Variants in OPHN1 observed in about 807,000 individuals in gnomAD.
OPHN1 encodes oligophrenin-1.
In OPHN1, 11 loss-of-function variants were observed where a neutral mutation model predicts 60.7. The observed-to-expected ratio is 0.18, with a 90% CI of 0.11 to 0.30. OPHN1 has a LOEUF of 0.30. Among genes scored for constraint, OPHN1 ranks in the 10% least tolerant of loss-of-function variants. OPHN1 has a pLI of 1.00. For synonymous variants in OPHN1, 226 were observed against 222.6 expected, an observed-to-expected ratio of 1.02 and a Z score of -0.14; for missense variants, 449 against 611.0, an observed-to-expected ratio of 0.73 and a Z score of 2.80.
intron 2 of OPHN1, among the ~76,000 whole-genome samples, chrX:68,317,531 G>GAAAA (rs1260947814): frequency 7.0e-5 from 3 of 42,828 alleles, no homozygotes; most frequent in African/African-American, 6.2e-4. Flanking sequence ...AAGAAAGAAA[G>GAAAA]AAAGAAAAAA....
chrX:68,119,264 A>G lies in OPHN1; in HGVS notation c.1345T>C (p.Leu449=), dbSNP rs1347174519. 8.3e-7 allele frequency: 1 copy of G among 1,199,903 alleles called. No individual in the cohort carries two copies. The highest frequency in any genetic ancestry group is 3.0e-5 in the East Asian group (1 of 33,699). The part of the protein sequence containing the change: ...DWDIKTITSS[L]KFYLRNLSEP... ...CAGGCATACCTGAGGTAGAATTTCA[A>G]GGAGCTGGTGATTGTCTTAATGTCC... is the stretch of plus-strand genomic sequence containing the variant. The change falls in exon 16 of 25, where the codon TTG becomes CTG. Residue 449 remains leucine, a synonymous_variant. Transcript: ENST00000355520.
intron 15 of OPHN1, among the ~76,000 whole-genome samples, chrX:68,165,815 T>C (rs2077355571): frequency 8.9e-6 from 1 of 112,157 alleles, no homozygotes; most frequent in South Asian, 3.7e-4. Context: ...AAGTGAAGTA[T>C]GCCTATATAG....
At chrX:68,125,954 T>TATACAC (rs1555941244) in intron 15 of OPHN1, among the ~76,000 whole-genome samples, 1 of 55,824 alleles carries the variant, frequency 1.8e-5, no homozygotes, top group Non-Finnish European at 3.5e-5. Context: ...TATATATATA[T>TATACAC]ATACATACAC....
chrX:68,414,132 C>T (rs1408714233), intron 2 of OPHN1, among the ~76,000 whole-genome samples: 4 of 111,824 alleles, frequency 3.6e-5, no homozygotes, highest in African/African-American at 9.8e-5. Flanking sequence ...ATGTTAGGCA[C>T]GTTGACCAGA....
intron 15 of OPHN1, among the ~76,000 whole-genome samples, chrX:68,162,186 A>G (rs1156773596): frequency 9.0e-6 from 1 of 110,753 alleles, no homozygotes; most frequent in African/African-American, 3.3e-5. Context: ...GTTAAATACT[A>G]AATTCCAGAT....
intron 19 of OPHN1, among the ~76,000 whole-genome samples, chrX:68,085,361 C>A (rs1035757831): frequency 8.9e-6 from 1 of 112,123 alleles, no homozygotes; most frequent in Admixed American, 9.4e-5. Context: ...TTAACAGTAG[C>A]CTTGTCTGAC....
chrX:68,305,170 A>G (rs1160998335), intron 2 of OPHN1, among the ~76,000 whole-genome samples: 3 of 111,369 alleles, frequency 2.7e-5, no homozygotes, highest in Non-Finnish European at 5.7e-5. Flanking sequence ...CTTGAGCCCA[A>G]GAGTTCGAGA....
chrX:68,317,363 GAAAGA>G (rs1569278072), intron 2 of OPHN1, among the ~76,000 whole-genome samples: 121 of 68,731 alleles, frequency 1.8e-3, no homozygotes, highest in African/African-American at 7.2e-3. Flanking sequence ...AAGAAAGAAA[GAAAGA>G]AAGAAAGAAA....
intron 15 of OPHN1, among the ~76,000 whole-genome samples, chrX:68,140,741 T>TA (rs750067978): frequency 1.9e-5 from 2 of 107,895 alleles, no homozygotes; most frequent in East Asian, 5.8e-4. Context: ...CCAGTGCCCA[T>TA]AAAAACTAGA....
At chrX:68,216,241 A>C (rs2077607952) in intron 6 of OPHN1, among the ~76,000 whole-genome samples, 1 of 111,520 alleles carries the variant, frequency 9.0e-6, no homozygotes, top group African/African-American at 3.3e-5. Context: ...AAGAAGTATA[A>C]TTTACATGGT....
At chrX:68,221,685 C>A (rs1347703039) in intron 6 of OPHN1, among the ~76,000 whole-genome samples, 1 of 91,045 alleles carries the variant, frequency 1.1e-5, no homozygotes, top group African/African-American at 3.8e-5. Context: ...GGGAACGATT[C>A]CCTATTTAAT....
chrX:68,291,673 T>G (rs1413415794), intron 3 of OPHN1, among the ~76,000 whole-genome samples: 3 of 110,288 alleles, frequency 2.7e-5, no homozygotes, highest in African/African-American at 9.9e-5. Context: ...TCCCACATCC[T>G]TCTGTGTTCT....
intron 3 of OPHN1, among the ~76,000 whole-genome samples, chrX:68,284,496 C>T (rs2078032089): frequency 9.0e-6 from 1 of 110,597 alleles, no homozygotes; most frequent in African/African-American, 3.3e-5. Context: ...CCAAATAAAC[C>T]TCTCTTCTTC....
chrX:68,195,682 T>A (rs1345590383), intron 12 of OPHN1, among the ~76,000 whole-genome samples: 1 of 112,211 alleles, frequency 8.9e-6, no homozygotes, highest in Non-Finnish European at 1.9e-5. Context: ...GCCCTCTATA[T>A]GCCATCTGTT....
intron 2 of OPHN1, among the ~76,000 whole-genome samples, chrX:68,386,816 C>T (rs755849374): frequency 8.9e-6 from 1 of 111,732 alleles, no homozygotes; most frequent in Non-Finnish European, 1.9e-5. Flanking sequence ...GCCAATCTAT[C>T]TGCAACTGTT....
At chrX:68,112,222 C>T (rs1043955587) in intron 17 of OPHN1, among the ~76,000 whole-genome samples, 47 of 107,521 alleles carry the variant, frequency 4.4e-4, no homozygotes, top group African/African-American at 1.5e-3. Flanking sequence ...AAGACAAAGA[C>T]ATAAAGAAAG....
chrX:68,301,509 A>G (rs752144674), intron 2 of OPHN1, among the ~76,000 whole-genome samples: 39 of 110,008 alleles, frequency 3.5e-4, no homozygotes, highest in Non-Finnish European at 6.4e-4. Context: ...ACAAGGTCCA[A>G]GTTCCCATAC....
rs749936315 is a variant in OPHN1 at position 68,314,992 on chromosome X, A to G, written c.155-15896T>C. On this transcript the variant is annotated intron_variant, in intron 2 of 24. Coordinates refer to ENST00000355520, the MANE Select transcript of OPHN1 (RefSeq NM_002547.3). ...CAGAGCAAGACTCCATCTCAAAAAAAAAAAAAAAACAGAGAGAGAAAGAGA... is the reference window on the plus strand; with the variant it reads ...CAGAGCAAGACTCCATCTCAAAAAAGAAAAAAAAACAGAGAGAGAAAGAGA... Among the ~76,000 whole-genome samples the G allele has an allele frequency of 2.7e-5, 3 of 109,166 alleles. No individual in the cohort carries two copies. In the Admixed American group the frequency reaches 3.0e-4, roughly 11 times the overall value. The allele number at this position is 109,166 out of a possible 115,157, so 94.8% of individuals were successfully genotyped here.
chrX:68,246,746 GAA>G (rs2077807757), intron 5 of OPHN1, among the ~76,000 whole-genome samples: 1 of 111,405 alleles, frequency 9.0e-6, no homozygotes, highest in African/African-American at 3.3e-5. Flanking sequence ...AGTATAAAGA[GAA>G]GAGAATCTGT....
Sources: gnomAD v4.1 joint callset for allele counts (sites outside exome capture counted in the v4.1 genomes callset) on GRCh38, gnomAD v4.1.1 for gene constraint, MANE v1.5 for transcripts, NCBI Gene and HGNC (gene_info 2026-07-23, HGNC 2026-07-21) for gene names.